PKD2L2: variants seen among roughly 807,000 people sequenced by gnomAD.
PKD2L2 encodes polycystin 2 like 2, transient receptor potential cation channel, also known as polycystin-2-like protein 2.
Under a neutral mutation model 83.9 loss-of-function variants are expected in PKD2L2, and 67 were observed. The observed-to-expected ratio is 0.80, with a 90% CI of 0.66 to 0.98. The LOEUF (loss-of-function observed/expected upper bound fraction) is 0.98. Ranked by LOEUF, PKD2L2 falls within the 50% of genes least tolerant of loss-of-function variation. The pLI, the probability that PKD2L2 is intolerant of heterozygous loss-of-function variation, is 0.00. For missense variants in PKD2L2, 632 were observed against 717.2 expected (o/e 0.88, Z 1.36); for synonymous variants, 223 against 237.8 (o/e 0.94, Z 0.57).
intron 8 of PKD2L2, among the ~76,000 whole-genome samples, chr5:137,910,734 A>G (rs1757762871): frequency 1.3e-5 from 2 of 151,572 alleles, no homozygotes. Flanking sequence ...AGCCAAGATC[A>G]TGCCACTGCA....
intron 6 of PKD2L2, 34 bp downstream of exon 6, chr5:137,906,468 A>G (rs757962393): frequency 9.1e-7 from 1 of 1,096,280 alleles, no homozygotes; most frequent in Non-Finnish European, 1.4e-6. Flanking sequence ...GTTGAAGGGG[A>G]TCACATCTGA....
intron 7 of PKD2L2, 50 bp from the exon 8 acceptor site, chr5:137,908,714 TA>T (rs1757563459): frequency 2.4e-6 from 2 of 849,568 alleles, no homozygotes; most frequent in East Asian, 5.5e-5. Flanking sequence ...TTATTCTAAG[TA>T]ATTTCATCTT....
intron 12 of PKD2L2, among the ~76,000 whole-genome samples, chr5:137,930,452 C>T (rs1418855807): frequency 6.6e-6 from 1 of 151,910 alleles, no homozygotes; most frequent in African/African-American, 2.4e-5. Context: ...GTGGGCGGAT[C>T]ATGAGGTCAG....
intron 2 of PKD2L2, among the ~76,000 whole-genome samples, chr5:137,891,378 T>C (rs1368375551): frequency 6.6e-6 from 1 of 151,846 alleles, no homozygotes; most frequent in Non-Finnish European, 1.5e-5. Flanking sequence ...AGGTGGAGGA[T>C]TGCTTGAGCA....
intron 12 of PKD2L2, among the ~76,000 whole-genome samples, chr5:137,927,310 T>C (rs1301073604): frequency 6.6e-6 from 1 of 152,184 alleles, no homozygotes; most frequent in African/African-American, 2.4e-5. Context: ...GACATCCTTG[T>C]CAAAGACATA....
rs1182862516 is a variant in PKD2L2, at chr5:137,939,938, T to A, written c.*18-2446T>A. ...TGAAGTTGAAAGGATAAAATTCCAG[T>A]CTTTTGCTAAAAGGATGTATCTGTA... On this transcript the variant is annotated intron_variant, in intron 14 of 14. Transcript: ENST00000508883. 5 of 1,361,016 alleles carry A rather than the reference T, an allele frequency of 3.7e-6. No homozygotes were observed. The East Asian group carries it at 1.4e-4, about 38-fold the overall frequency. The allele number at this position is 1,361,016 out of a possible 1,614,324, so 84.3% of individuals were successfully genotyped here.
At chr5:137,902,293 G>GA (rs529614614) in intron 5 of PKD2L2, among the ~76,000 whole-genome samples, 28 of 147,564 alleles carry the variant, frequency 1.9e-4, no homozygotes, top group African/African-American at 4.7e-4. Flanking sequence ...TTAGAAAAAT[G>GA]AAAAAAAAAA....
rs1580923012 is a variant in PKD2L2, at chr5:137,907,729, T to C, written c.976-13T>C. ...ATATTCTCTAATTTAACCCTTCTTATTTTCCCATTTAGTTGTGTTTTGTGG... is the reference window on the plus strand; with the variant it reads ...ATATTCTCTAATTTAACCCTTCTTACTTTCCCATTTAGTTGTGTTTTGTGG... On this transcript the variant is annotated splice_polypyrimidine_tract_variant and intron_variant, in intron 6 of 14. Transcript: ENST00000508883. 8 of 1,441,394 alleles carry C rather than the reference T, an allele frequency of 5.6e-6. No individual in the cohort carries two copies. The East Asian group carries it at 1.9e-4, about 35-fold the overall frequency. The allele number at this position is 1,441,394 out of a possible 1,614,324, so 89.3% of individuals were successfully genotyped here.
At chr5:137,891,189 A>G (rs1415059003) in intron 2 of PKD2L2, among the ~76,000 whole-genome samples, 1 of 152,240 alleles carries the variant, frequency 6.6e-6, no homozygotes, top group East Asian at 1.9e-4. Flanking sequence ...AGTAGATGAA[A>G]GCTCACTGGC....
intron 12 of PKD2L2, among the ~76,000 whole-genome samples, chr5:137,931,268 A>C (rs1418846350): frequency 6.6e-6 from 1 of 152,212 alleles, no homozygotes; most frequent in Non-Finnish European, 1.5e-5. Context: ...CAAGATTTTA[A>C]GGAGCAAACA....
intron 12 of PKD2L2, among the ~76,000 whole-genome samples, chr5:137,928,911 T>G (rs1252727656): frequency 6.6e-6 from 1 of 152,210 alleles, no homozygotes; most frequent in Non-Finnish European, 1.5e-5. Flanking sequence ...TTTTTCACAT[T>G]TTAACATCTG....
intron 12 of PKD2L2, among the ~76,000 whole-genome samples, chr5:137,927,962 G>A (rs918517389): frequency 1.3e-5 from 2 of 152,046 alleles, no homozygotes; most frequent in Non-Finnish European, 2.9e-5. Flanking sequence ...AGAAGGTGAC[G>A]TGAATTGAAA....
intron 13 of PKD2L2, 104 bp from the exon 14 acceptor site, chr5:137,936,216 A>G: frequency 2.0e-6 from 2 of 977,832 alleles, no homozygotes; most frequent in Non-Finnish European, 3.1e-6. Flanking sequence ...ATGTTTTAGG[A>G]GCTTACAATT....
At chr5:137,907,448 G>A (rs1190365389) in intron 6 of PKD2L2, among the ~76,000 whole-genome samples, 2 of 152,230 alleles carry the variant, frequency 1.3e-5, no homozygotes, top group African/African-American at 4.8e-5. Context: ...AATCCTTATG[G>A]CCTCAGAGTT....
chr5:137,926,996 T>C (rs1214579387), intron 12 of PKD2L2, among the ~76,000 whole-genome samples: 1 of 152,172 alleles, frequency 6.6e-6, no homozygotes, highest in Non-Finnish European at 1.5e-5. Context: ...AAAGTAAAAC[T>C]GCTCAAAGAA....
intron 8 of PKD2L2, among the ~76,000 whole-genome samples, chr5:137,915,991 T>C (rs146587057): frequency 4.3e-4 from 66 of 151,970 alleles, no homozygotes; most frequent in African/African-American, 1.5e-3. Context: ...TTGGAATGTC[T>C]TCATTTCTCC....
chr5:137,907,363 T>A (rs1340807571), intron 6 of PKD2L2, among the ~76,000 whole-genome samples: 1 of 152,226 alleles, frequency 6.6e-6, no homozygotes, highest in Non-Finnish European at 1.5e-5. Context: ...GGTTTTATTT[T>A]TTGTAATTGT....
At chr5:137,903,065 A>C (rs1344674602) in intron 5 of PKD2L2, among the ~76,000 whole-genome samples, 1 of 152,222 alleles carries the variant, frequency 6.6e-6, no homozygotes, top group Non-Finnish European at 1.5e-5. Context: ...GTGTTTACAG[A>C]GTTCAGTTGA....
intron 8 of PKD2L2, among the ~76,000 whole-genome samples, chr5:137,909,677 T>A (rs1436588236): frequency 6.6e-6 from 1 of 151,490 alleles, no homozygotes; most frequent in Non-Finnish European, 1.5e-5. Flanking sequence ...CCCAAGTAGC[T>A]GGGTGTGCCA....
Sources: allele counts gnomAD v4.1 joint callset (sites outside exome capture counted in the v4.1 genomes callset), GRCh38; gene constraint gnomAD v4.1.1; transcripts MANE v1.5; gene names NCBI Gene and HGNC (gene_info 2026-07-23, HGNC 2026-07-21).